The following AVIL variants were observed in gnomAD, a reference collection of about 807,000 sequenced individuals.
AVIL encodes advillin.
A neutral mutation model predicts 109.9 loss-of-function variants in AVIL; 78 were observed. That is an observed-to-expected ratio of 0.71 (90% CI 0.59 to 0.86). AVIL has a LOEUF of 0.86. AVIL is among the 40% of genes least tolerant of loss of function. AVIL has a pLI of 0.00. For missense variants in AVIL, 892 were observed against 1,016.5 expected, an observed-to-expected ratio of 0.88 and a Z score of 1.67; for synonymous variants, 367 against 379.1, an observed-to-expected ratio of 0.97 and a Z score of 0.37.
chr12:57,808,561 C>G lies in AVIL; in HGVS notation c.940-13G>C. ...TCTTGATGAAGCCCTGCAGAGCCAC[C>G]CATTCCCAAAGGCAGGTCAGTGGTG... On this transcript the variant is annotated splice_polypyrimidine_tract_variant and intron_variant, in intron 9 of 19. Coordinates refer to ENST00000549994, the MANE Select transcript of AVIL (RefSeq NM_006576.4). 6.2e-7 allele frequency: 1 copy of G among 1,613,230 alleles called. No individual in the cohort carries two copies. The highest frequency in any genetic ancestry group is 1.1e-5 in the South Asian group (1 of 90,966).
chr12:57,803,142 G>T, intron 16 of AVIL, 105 bp downstream of exon 16: 1 of 1,395,350 alleles, frequency 7.2e-7, no homozygotes. Flanking sequence ...AGCTGGGGAT[G>T]GTCCAGGGCT....
intron 18 of AVIL, chr12:57,800,189 G>A: frequency 3.0e-6 from 1 of 335,442 alleles, no homozygotes; most frequent in Non-Finnish European, 5.5e-6. Context: ...TCTTGTGTCT[G>A]GATCTCATTT....
At chr12:57,808,005 C>T in intron 11 of AVIL, 189 bp downstream of exon 11, 1 of 800,522 alleles carries the variant, frequency 1.2e-6, no homozygotes, top group Non-Finnish European at 2.1e-6. Flanking sequence ...ATTGATAGCA[C>T]ATTTGAGGAT....
chr12:57,816,230 C>A, intron 1 of AVIL, 171 bp from the exon 2 acceptor site: 1 of 579,072 alleles, frequency 1.7e-6, no homozygotes, highest in East Asian at 3.2e-5. Flanking sequence ...TCCAAGTGCA[C>A]ATGGTGAGCC....
At chr12:57,813,157 AT>A in intron 4 of AVIL, 69 bp downstream of exon 4, 2 of 1,485,928 alleles carry the variant, frequency 1.3e-6, no homozygotes, top group Admixed American at 4.0e-5. Context: ...TTGATAATGC[AT>A]GTTGGCCTTT....
chr12:57,812,407 G>A (rs548332554), intron 4 of AVIL, among the ~76,000 whole-genome samples: 1 of 152,188 alleles, frequency 6.6e-6, no homozygotes, highest in Admixed American at 6.5e-5. Context: ...GTGTTGCGGG[G>A]CTGGAGGGCA....
At chr12:57,816,432 G>C (rs1199442372) in intron 1 of AVIL, 1 of 175,632 alleles carries the variant, frequency 5.7e-6, no homozygotes, top group African/African-American at 2.4e-5. Flanking sequence ...GTGAATCTGA[G>C]GTTTGCAAAG....
chr12:57,814,117 G>C (rs780504905), intron 3 of AVIL, 35 bp downstream of exon 3: 1 of 1,607,822 alleles, frequency 6.2e-7, no homozygotes, highest in Non-Finnish European at 8.5e-7. Context: ...GGCCCCAGGG[G>C]AGAGGCTCAC....
chr12:57,807,847 C>T (rs1221744707), intron 11 of AVIL, 120 bp from the exon 12 acceptor site: 2 of 1,379,382 alleles, frequency 1.4e-6, no homozygotes, highest in South Asian at 1.2e-5. Flanking sequence ...CCCTTTCTCC[C>T]TCTGGTTCTC....
intron 7 of AVIL, 108 bp downstream of exon 7, chr12:57,810,240 AC>A: frequency 8.3e-7 from 1 of 1,212,006 alleles, no homozygotes; most frequent in Admixed American, 2.4e-5. Context: ...TAAGAAGAAA[AC>A]CAGATGGCTA....
chr12:57,811,273 C>T, intron 4 of AVIL, 146 bp from the exon 5 acceptor site: 1 of 726,504 alleles, frequency 1.4e-6, no homozygotes, highest in Non-Finnish European at 2.3e-6. Context: ...TGCTGCCCCA[C>T]AAGTAGACTG....
In AVIL at chr12:57,807,424, C is replaced by T. The variant is rs1253722945; in HGVS notation, c.1398G>A (p.Gln466=). The T allele has an allele frequency of 3.7e-6, 6 of 1,614,256 alleles. No individual in the cohort carries two copies. The highest frequency in any genetic ancestry group is 5.1e-6 in the Non-Finnish European group (6 of 1,180,046). The change falls in exon 13 of 20, where the codon CAG becomes CAA. Residue 466 remains glutamine, a synonymous_variant. Transcript: ENST00000549994. The part of the protein sequence containing the change: ...SAYQAVEVDR[Q]FDGAAVQVRV... The stretch of plus-strand genomic sequence containing the variant: ...GAACCTGCACAGCAGCCCCATCAAA[C>T]TGCCGATCCACCTCCACTGCCTGGT...
At position 57,802,331 on chromosome 12, in the gene AVIL, C is replaced by G. The variant is rs1230692985; in HGVS notation, c.1980G>C (p.Gly660=). The G allele has an allele frequency of 1.9e-6, 3 of 1,612,212 alleles. No homozygotes were observed. Among genetic ancestry groups the G allele is most frequent in the African/African-American group, 1.3e-5 (1 of 74,876 alleles). The change falls in exon 17 of 20, where the codon GGG becomes GGC. Residue 660 remains glycine, a synonymous_variant. Transcript: ENST00000549994. ...CCTTCTCCGTGGCATTGGCCTCAGC[C>G]CCAATCCACAAGAACACCTGTTAAG... The part of the protein sequence containing the change: ...DTWDQVFLWI[G]AEANATEKES...
At chr12:57,800,648 C>A (rs1480788592) in intron 18 of AVIL, 2 of 153,158 alleles carry the variant, frequency 1.3e-5, no homozygotes, top group African/African-American at 4.8e-5. Context: ...CGCTCTGTTG[C>A]CCAGGCTGGA....
At position 57,797,596 on chromosome 12, in the gene AVIL, CTCTT is replaced by C. The variant is rs1370469094; in HGVS notation, c.*282_*285del. On this transcript the variant is annotated 3_prime_UTR_variant, in exon 20 of 20. Coordinates refer to ENST00000549994, the MANE Select transcript of AVIL (RefSeq NM_006576.4). ...ACATTTTAAGCATTGTTTTTTGGTT[CTCTT>C]TCTTTTGATTTCTCCAGATTTATGC... 1.1e-6 allele frequency: 1 copy of C among 935,260 alleles called. No individual in the cohort carries two copies. The allele number at this position is 935,260 out of a possible 1,614,324, so 57.9% of individuals were successfully genotyped here.
intron 1 of AVIL, chr12:57,816,546 A>G (rs1282125759): frequency 6.6e-6 from 1 of 152,526 alleles, no homozygotes; most frequent in Non-Finnish European, 1.5e-5. Flanking sequence ...TCCTAAACCA[A>G]TCTAAGTTCA....
chr12:57,801,317 A>G (rs1041383472), intron 17 of AVIL, 105 bp from the exon 18 acceptor site: 1 of 866,284 alleles, frequency 1.2e-6, no homozygotes, highest in South Asian at 1.5e-5. Flanking sequence ...CCAGGGAGTC[A>G]GAAGACATTT....
chr12:57,803,772 T>C, intron 14 of AVIL, 103 bp from the exon 15 acceptor site: 1 of 1,451,246 alleles, frequency 6.9e-7, no homozygotes, highest in Non-Finnish European at 9.3e-7. Flanking sequence ...CAGGATCAGC[T>C]ACCAAACCAC....
At chr12:57,815,637 A>T in intron 2 of AVIL, 1 of 1,323,272 alleles carries the variant, frequency 7.6e-7, no homozygotes, top group Non-Finnish European at 9.9e-7. Context: ...CATTTCTCTG[A>T]TGGAAGCTGC....
Sources: gnomAD v4.1 joint callset for allele counts (sites outside exome capture counted in the v4.1 genomes callset) on GRCh38, gnomAD v4.1.1 for gene constraint, MANE v1.5 for transcripts, NCBI Gene and HGNC (gene_info 2026-07-23, HGNC 2026-07-21) for gene names.